SPAG16: variants seen among roughly 807,000 people sequenced by gnomAD.
SPAG16 encodes the protein sperm associated antigen 16, also known as sperm-associated antigen 16 protein.
In SPAG16, 86 loss-of-function variants were observed where a neutral mutation model predicts 80.4. The ratio of observed to expected loss-of-function variants is 1.07; its 90% CI spans 0.90 to 1.28. SPAG16 has a LOEUF of 1.28. Among genes scored for constraint, SPAG16 ranks in the 50% most tolerant of loss-of-function variants. The probability of loss-of-function intolerance (pLI) is 0.00; values close to 1 mark genes in which losing one functional copy is unlikely to be tolerated. For synonymous variants in SPAG16, 294 were observed against 265.9 expected (o/e 1.11, Z -1.03); for missense variants, 870 against 765.3 (o/e 1.14, Z -1.61).
At chr2:213,703,731 G>A (rs1574874182) in intron 10 of SPAG16, among the ~76,000 whole-genome samples, 2 of 152,314 alleles carry the variant, frequency 1.3e-5, no homozygotes, top group Middle Eastern at 3.4e-3. Flanking sequence ...CTCAGTCAGT[G>A]ACTAAGCAAG....
intron 12 of SPAG16, among the ~76,000 whole-genome samples, chr2:213,950,650 T>TTCCC (rs1034704117): frequency 1.4e-4 from 21 of 150,194 alleles, no homozygotes; most frequent in Non-Finnish European, 2.7e-4. Flanking sequence ...CCCTCTCTCC[T>TTCCC]TCCCTCCCTC....
At chr2:213,982,786 G>A (rs551761537) in intron 12 of SPAG16, among the ~76,000 whole-genome samples, 45 of 152,058 alleles carry the variant, frequency 3.0e-4, no homozygotes, top group Non-Finnish European at 7.4e-5. Flanking sequence ...TAACCTTGAA[G>A]TGGTCTGGAA....
At chr2:214,141,519 A>C (rs2055360101) in intron 14 of SPAG16, among the ~76,000 whole-genome samples, 1 of 151,946 alleles carries the variant, frequency 6.6e-6, no homozygotes, top group African/African-American at 2.4e-5. Context: ...TGTGCTCACC[A>C]TTATATATTT....
At chr2:214,326,440 C>A (rs1696485263) in intron 15 of SPAG16, among the ~76,000 whole-genome samples, 4 of 152,130 alleles carry the variant, frequency 2.6e-5, no homozygotes, top group Non-Finnish European at 5.9e-5. Context: ...TTGTTTTAAG[C>A]CATCAAGTTT....
chr2:213,913,010 A>G (rs1383869417), intron 11 of SPAG16, among the ~76,000 whole-genome samples: 2 of 152,118 alleles, frequency 1.3e-5, no homozygotes, highest in Non-Finnish European at 2.9e-5. Flanking sequence ...CAACCTGAAC[A>G]TTTTGAATGG....
intron 15 of SPAG16, among the ~76,000 whole-genome samples, chr2:214,282,952 G>T (rs1156415664): frequency 6.6e-6 from 1 of 152,010 alleles, no homozygotes; most frequent in East Asian, 1.9e-4. Flanking sequence ...AGACAAAAAG[G>T]ATCACAGCAG....
intron 10 of SPAG16, among the ~76,000 whole-genome samples, chr2:213,524,085 G>A (rs986904861): frequency 6.6e-6 from 1 of 152,300 alleles, no homozygotes; most frequent in Non-Finnish European, 1.5e-5. Context: ...TTTGTGGGCT[G>A]GGACCAGGGC....
intron 10 of SPAG16, among the ~76,000 whole-genome samples, chr2:213,496,838 G>T: frequency 6.6e-6 from 1 of 150,948 alleles, no homozygotes; most frequent in East Asian, 1.9e-4. Context: ...TAAATATTTT[G>T]AAAATAATTA....
At chr2:214,347,359 T>A (rs1050829238) in intron 15 of SPAG16, among the ~76,000 whole-genome samples, 9 of 151,302 alleles carry the variant, frequency 5.9e-5, no homozygotes, top group African/African-American at 2.2e-4. Flanking sequence ...GTTTTTTTTT[T>A]AGTAGAATTT....
At chr2:214,042,450 A>G (rs945357279) in intron 13 of SPAG16, among the ~76,000 whole-genome samples, 6 of 151,828 alleles carry the variant, frequency 4.0e-5, no homozygotes, top group Admixed American at 2.6e-4. Flanking sequence ...AACAACAACA[A>G]CAACAACAAC....
At chr2:213,469,988 A>G (rs2072986541) in intron 9 of SPAG16, among the ~76,000 whole-genome samples, 1 of 152,072 alleles carries the variant, frequency 6.6e-6, no homozygotes, top group African/African-American at 2.4e-5. Context: ...ATGCCATGGG[A>G]ACAGGAAGCA....
intron 10 of SPAG16, among the ~76,000 whole-genome samples, chr2:213,691,469 A>C (rs2064942347): frequency 6.6e-6 from 1 of 152,198 alleles, no homozygotes; most frequent in African/African-American, 2.4e-5. Context: ...TGGCCATGTG[A>C]TGGAGCTGTC....
At chr2:214,003,019 C>T (rs2046864859) in intron 12 of SPAG16, among the ~76,000 whole-genome samples, 1 of 152,118 alleles carries the variant, frequency 6.6e-6, no homozygotes, top group African/African-American at 2.4e-5. Flanking sequence ...TAATAAAGGC[C>T]TCGATATGTA....
intron 3 of SPAG16, among the ~76,000 whole-genome samples, chr2:213,301,259 G>T (rs561605290): frequency 2.0e-5 from 3 of 152,104 alleles, no homozygotes; most frequent in Non-Finnish European, 4.4e-5. Flanking sequence ...AGAGACCCAG[G>T]CTCCTTGTAC....
chr2:214,154,395 T>C (rs2125584328), intron 15 of SPAG16, among the ~76,000 whole-genome samples: 1 of 151,906 alleles, frequency 6.6e-6, no homozygotes, highest in South Asian at 2.1e-4. Context: ...ATCATTAAAA[T>C]GAGCAAAGTT....
At chr2:214,200,554 C>T (rs574697646) in intron 15 of SPAG16, among the ~76,000 whole-genome samples, 25 of 151,794 alleles carry the variant, frequency 1.6e-4, no homozygotes, top group Middle Eastern at 3.4e-3. Context: ...TTCCTTTTTT[C>T]ATAACGTTAC....
rs542391721 is a variant in SPAG16, at chr2:213,617,911, C to T, written c.1070+127821C>T. Among the ~76,000 whole-genome samples the T allele has an allele frequency of 5.5e-4, 84 of 152,308 alleles. 1 individual carries two copies. The highest frequency in any genetic ancestry group is 1.0e-3 in the Non-Finnish European group (69 of 68,034). On this transcript the variant is annotated intron_variant, in intron 10 of 15. Coordinates refer to ENST00000331683, the MANE Select transcript of SPAG16 (RefSeq NM_024532.5). ...TTAAGAGGCCTCAGCTCAGCCTATC[C>T]AGCCCTTTGGTGGTGCTGTGTGTCT...
intron 10 of SPAG16, among the ~76,000 whole-genome samples, chr2:213,561,013 G>A (rs2125982081): frequency 6.6e-6 from 1 of 152,262 alleles, no homozygotes; most frequent in East Asian, 1.9e-4. Context: ...ACAGGCCTCT[G>A]CCTCTACATA....
chr2:214,137,005 A>G (rs2055088956), intron 14 of SPAG16, among the ~76,000 whole-genome samples: 1 of 152,142 alleles, frequency 6.6e-6, no homozygotes, highest in African/African-American at 2.4e-5. Context: ...CATTTTGCAT[A>G]GCAGAATTTT....
Sources: gnomAD v4.1 joint callset for allele counts (sites outside exome capture counted in the v4.1 genomes callset) on GRCh38, gnomAD v4.1.1 for gene constraint, MANE v1.5 for transcripts, NCBI Gene and HGNC (gene_info 2026-07-23, HGNC 2026-07-21) for gene names.